Variants in KCNQ4 observed in about 807,000 individuals in gnomAD.
KCNQ4 encodes the protein potassium voltage-gated channel subfamily KQT member 4.
KCNQ4 carries 31 observed loss-of-function variants against 72.6 expected under a neutral mutation model. That is an observed-to-expected ratio of 0.43 (90% CI 0.32 to 0.58). The LOEUF (loss-of-function observed/expected upper bound fraction) is 0.58, where lower values mean the gene tolerates loss of function less well. Ranked by LOEUF, KCNQ4 falls within the 20% of genes least tolerant of loss-of-function variation. KCNQ4 has a pLI of 0.08. For synonymous variants in KCNQ4, 405 were observed against 403.7 expected, an observed-to-expected ratio of 1.00 and a Z score of -0.04; for missense variants, 869 against 962.6, an observed-to-expected ratio of 0.90 and a Z score of 1.29.
At chr1:40,820,116 T>A (rs1456338879) in intron 6 of KCNQ4, 49 bp from the exon 7 acceptor site, 2 of 1,557,076 alleles carry the variant, frequency 1.3e-6, no homozygotes. Context: ...AGCCTCTTAC[T>A]GCCCCACCAC....
intron 8 of KCNQ4, among the ~76,000 whole-genome samples, chr1:40,823,023 A>G (rs1014929976): frequency 7.9e-5 from 12 of 152,200 alleles, no homozygotes; most frequent in Non-Finnish European, 1.5e-5. Flanking sequence ...TCAGGCAGGA[A>G]TGAAAACCAT....
chr1:40,801,986 T>C (rs1258565908), intron 1 of KCNQ4, among the ~76,000 whole-genome samples: 3 of 152,134 alleles, frequency 2.0e-5, no homozygotes, highest in African/African-American at 7.2e-5. Context: ...GTATTCTCCC[T>C]TGGTGGGCAA....
chr1:40,830,878 G>A (rs1558028861), intron 9 of KCNQ4, among the ~76,000 whole-genome samples: 1 of 152,130 alleles, frequency 6.6e-6, no homozygotes, highest in Non-Finnish European at 1.5e-5. Context: ...GTGGGGAGAG[G>A]ATCTGCTTCG....
intron 11 of KCNQ4, among the ~76,000 whole-genome samples, chr1:40,834,569 A>AC (rs139162489): frequency 0.012 from 1,852 of 149,776 alleles, 53 homozygotes; most frequent in African/African-American, 0.044. Context: ...GCATAGTGGG[A>AC]CCCCCATCTC....
chr1:40,802,571 C>G (rs763944900), intron 1 of KCNQ4, among the ~76,000 whole-genome samples: 6 of 152,082 alleles, frequency 3.9e-5, no homozygotes, highest in Non-Finnish European at 8.8e-5. Context: ...CCCGCCCTCG[C>G]CGAGGCGGGC....
Position 40,794,463 on chromosome 1 carries a change from A to G in KCNQ4, c.314+10056A>G, listed in dbSNP as rs915129100. Among the ~76,000 whole-genome samples the G allele has an allele frequency of 2.0e-5, 3 of 152,206 alleles. No individual in the cohort carries two copies. The highest frequency in any genetic ancestry group is 4.1e-4 in the South Asian group (2 of 4,832). On this transcript the variant is annotated intron_variant, in intron 1 of 13. Coordinates refer to ENST00000347132, the MANE Select transcript of KCNQ4 (RefSeq NM_004700.4). This position sits in a 1 kb window ranked among gnomAD's most constrained non-coding sequence, Gnocchi z 4.2. ...AAACTGGGGCTCAAAGAAGAGAAAC[A>G]CCACATACTAAGTTACACAGCTTGT...
rs1470591425 is a variant in KCNQ4 at position 40,817,932 on chromosome 1, C to T, written c.406-232C>T. On this transcript the variant is annotated intron_variant, in intron 2 of 13. Coordinates refer to ENST00000347132, the MANE Select transcript of KCNQ4 (RefSeq NM_004700.4). The surrounding 1 kb of genome is among the most constrained non-coding windows in gnomAD (Gnocchi z 5.5). ...GGGCCTGTTGAGGAGCAGAAAAATC[C>T]GATCAGTTCATGGGGACCGGAAGGG... Among the ~76,000 whole-genome samples, 1 of 152,124 alleles carries T rather than the reference C, an allele frequency of 6.6e-6. No individual in the cohort carries two copies. The highest frequency in any genetic ancestry group is 1.5e-5 in the Non-Finnish European group (1 of 68,024).
At chr1:40,837,929 A>C in intron 13 of KCNQ4, 135 bp downstream of exon 13, 1 of 1,244,972 alleles carries the variant, frequency 8.0e-7, no homozygotes, top group Non-Finnish European at 1.1e-6. Context: ...TCCCCGGCCG[A>C]AGCCCCCGCC....
Position 40,828,994 on chromosome 1 carries a change from T to G in KCNQ4, c.1293-2090T>G, listed in dbSNP as rs190920018. Among the ~76,000 whole-genome samples, 455 of 152,330 alleles carry G rather than the reference T, an allele frequency of 3.0e-3. 10 individuals carry two copies. The highest frequency in any genetic ancestry group is 1.3e-3 in the Non-Finnish European group (89 of 68,028). ...AGAGCTGGAAAGGGACCTTTCAAGG[T>G]CTCTAGTGCAAGCCCTCGAACTCCT... On this transcript the variant is annotated intron_variant, in intron 9 of 13. Coordinates refer to ENST00000347132, the MANE Select transcript of KCNQ4 (RefSeq NM_004700.4).
At chr1:40,821,681 A>G (rs1558017860) in intron 7 of KCNQ4, among the ~76,000 whole-genome samples, 1 of 152,226 alleles carries the variant, frequency 6.6e-6, no homozygotes, top group Non-Finnish European at 1.5e-5. Context: ...CATTCTGCAA[A>G]CATTTGCAAA....
At position 40,819,471 on chromosome 1, in the gene KCNQ4, C is replaced by T. The variant is rs1648215344; in HGVS notation, c.833C>T (p.Thr278Met). 6.2e-7 allele frequency: 1 copy of T among 1,613,826 alleles called. No homozygotes were observed. Among genetic ancestry groups the T allele is most frequent in the Non-Finnish European group, 8.5e-7 (1 of 1,179,910 alleles). ...SSYADSLWWG[T>M]ITLTTIGYGD... ...TACGCCGACTCGCTCTGGTGGGGGA[C>T]GGTGCGTGAGGGTCTTTGTAGGGCT... Residue 278 changes from threonine to methionine, a missense_variant and splice_region_variant, in exon 5 of 14, where the codon ACG becomes ATG. Transcript: ENST00000347132.
At chr1:40,823,196 G>A (rs903346440) in intron 8 of KCNQ4, among the ~76,000 whole-genome samples, 28 of 152,154 alleles carry the variant, frequency 1.8e-4, no homozygotes, top group African/African-American at 6.0e-4. Context: ...CCATCCCTGC[G>A]CCCTCCCAGC....
Position 40,818,521 on chromosome 1 carries a change from G to C in KCNQ4, c.549G>C (p.Val183=). ...CCCCTGCAGACTTCATCGTGTTCGT[G>C]GCCTCGGTGGCCGTCATCGCCGCGG... ...PFCVIDFIVF[V]ASVAVIAAGT... The change falls in exon 4 of 14, where the codon GTG becomes GTC. Residue 183 remains valine (V), a synonymous_variant. Coordinates refer to ENST00000347132, the MANE Select transcript of KCNQ4 (RefSeq NM_004700.4). 1 of 1,601,914 alleles carries C rather than the reference G, an allele frequency of 6.2e-7. No homozygotes were observed. Among genetic ancestry groups the C allele is most frequent in the Non-Finnish European group, 8.5e-7 (1 of 1,179,846 alleles).
intron 1 of KCNQ4, among the ~76,000 whole-genome samples, chr1:40,807,422 G>GCAGTGGC (rs1340635366): frequency 6.6e-6 from 1 of 152,192 alleles, no homozygotes; most frequent in Non-Finnish European, 1.5e-5. Context: ...AGCAGCAGCG[G>GCAGTGGC]CAGTGGCGGC....
Position 40,835,014 on chromosome 1 carries a change from G to A in KCNQ4, c.1661G>A (p.Arg554Gln), listed in dbSNP as rs1168592136. Reference protein sequence around the residue: ...VAKRKFKETLRPYDVKDVIEQ... With the variant: ...VAKRKFKETLQPYDVKDVIEQ... ...AAAAGGAAATTCAAGGAGACACTGC[G>A]ACCGTACGACGTGAAGGACGTCATT... Residue 554 changes from arginine (R) to glutamine (Q), a missense_variant, in exon 12 of 14, where the codon CGA (arginine) becomes CAA (glutamine). Physicochemically the swap from Arg to Gln is conservative, Grantham distance 43. Coordinates refer to ENST00000347132, the MANE Select transcript of KCNQ4 (RefSeq NM_004700.4). 8.1e-6 allele frequency: 13 copies of A among 1,613,946 alleles called. No homozygotes were observed. Among genetic ancestry groups the A allele is most frequent in the East Asian group, 4.5e-5 (2 of 44,888 alleles).
intron 1 of KCNQ4, among the ~76,000 whole-genome samples, chr1:40,812,963 G>A (rs1169406473): frequency 6.6e-6 from 1 of 152,238 alleles, no homozygotes; most frequent in East Asian, 1.9e-4. Flanking sequence ...TCAGAGAGGG[G>A]ATGGCTGGGG....
chr1:40,785,068 C>G (rs1647189097), intron 1 of KCNQ4, among the ~76,000 whole-genome samples: 1 of 152,168 alleles, frequency 6.6e-6, no homozygotes, highest in African/African-American at 2.4e-5. Flanking sequence ...CCTGCCCTAC[C>G]CTGCCGGCTT....
chr1:40,785,067 C>T (rs980951903), intron 1 of KCNQ4, among the ~76,000 whole-genome samples: 4 of 152,264 alleles, frequency 2.6e-5, no homozygotes, highest in East Asian at 1.9e-4. Flanking sequence ...CCCTGCCCTA[C>T]CCTGCCGGCT....
Position 40,818,650 on chromosome 1 carries a change from G to C in KCNQ4, c.678G>C (p.Leu226=), listed in dbSNP as rs772013744. 8 of 1,605,798 alleles carry C rather than the reference G, an allele frequency of 5.0e-6. No individual in the cohort carries two copies. In the South Asian group the frequency reaches 8.8e-5, roughly 18 times the overall value. The part of the protein sequence containing the change: ...RMDRRGGTWK[L]LGSVVYAHSK... Reference sequence around the variant, plus strand: ...ACCGCCGCGGCGGCACCTGGAAGCTGCTGGGCTCAGTGGTCTACGCGCATA... The same window carrying C: ...ACCGCCGCGGCGGCACCTGGAAGCTCCTGGGCTCAGTGGTCTACGCGCATA... Residue 226 remains leucine, a synonymous_variant, in exon 4 of 14, where the codon CTG becomes CTC. Transcript: ENST00000347132.
Sources: allele counts gnomAD v4.1 joint callset (sites outside exome capture counted in the v4.1 genomes callset), GRCh38; gene constraint gnomAD v4.1.1; non-coding constraint Gnocchi (gnomAD v3.1); transcripts MANE v1.5; gene names NCBI Gene and HGNC (gene_info 2026-07-23, HGNC 2026-07-21).